IRAG2: variants seen among roughly 807,000 people sequenced by gnomAD.
The protein encoded by IRAG2 is lymphoid restricted membrane protein.
A neutral mutation model predicts 69.9 loss-of-function variants in IRAG2; 45 were observed. The ratio of observed to expected loss-of-function variants is 0.64; its 90% CI spans 0.51 to 0.83. The LOEUF (loss-of-function observed/expected upper bound fraction) is 0.83. Ranked by LOEUF, IRAG2 falls within the 40% of genes least tolerant of loss-of-function variation. The pLI, the probability that IRAG2 is intolerant of heterozygous loss-of-function variation, is 0.00. For synonymous variants in IRAG2, 193 were observed against 202.4 expected (o/e 0.95, Z 0.40); for missense variants, 520 against 587.0 (o/e 0.89, Z 1.18).
intron 10 of IRAG2, among the ~76,000 whole-genome samples, chr12:25,087,459 C>T (rs1429733611): frequency 2.6e-5 from 4 of 152,072 alleles, no homozygotes; most frequent in South Asian, 2.1e-4. Flanking sequence ...TGAGCCACAG[C>T]GCCCTGCCAT....
rs146042911 is a variant in IRAG2 at position 25,083,248 on chromosome 12, C to G, written c.245-175C>G. ...GAAATCTTTTACGGCCTTAGCTGCT[C>G]CATCCTAATTCTGAGTCAATGGGCA... On this transcript the variant is annotated intron_variant, in intron 9 of 21. Coordinates refer to ENST00000556887, the MANE Select transcript of IRAG2 (RefSeq NM_001366544.2). Among the ~76,000 whole-genome samples, 20 of 152,280 alleles carry G rather than the reference C, an allele frequency of 1.3e-4. 1 individual carries two copies. The highest frequency in any genetic ancestry group is 4.6e-4 in the African/African-American group (19 of 41,554).
At chr12:25,073,245 T>C (rs1946447577) in intron 6 of IRAG2, among the ~76,000 whole-genome samples, 1 of 152,256 alleles carries the variant, frequency 6.6e-6, no homozygotes, top group Non-Finnish European at 1.5e-5. Context: ...TATTTTCTTA[T>C]ATTTATTTGT....
intron 1 of IRAG2, among the ~76,000 whole-genome samples, chr12:25,054,210 T>A (rs2139901764): frequency 6.6e-6 from 1 of 152,364 alleles, no homozygotes; most frequent in Non-Finnish European, 1.5e-5. Context: ...AAGGCAGTCT[T>A]TAAATTACAC....
intron 6 of IRAG2, among the ~76,000 whole-genome samples, chr12:25,070,732 G>A (rs1591998411): frequency 6.6e-6 from 1 of 152,252 alleles, no homozygotes; most frequent in East Asian, 1.9e-4. Context: ...TTCGAGGGTG[G>A]CTATATCCTT....
chr12:25,080,968 A>G (rs1486786818), intron 9 of IRAG2, among the ~76,000 whole-genome samples: 3 of 152,212 alleles, frequency 2.0e-5, no homozygotes, highest in Non-Finnish European at 1.5e-5. Context: ...CACTGGGGCT[A>G]CATTCCAAGA....
At chr12:25,100,047 C>G (rs1948668319) in intron 15 of IRAG2, among the ~76,000 whole-genome samples, 1 of 96,548 alleles carries the variant, frequency 1.0e-5, no homozygotes, top group South Asian at 3.4e-4. Flanking sequence ...CTTCAATAGA[C>G]ATTTCTTCAA....
chr12:25,108,290 A>ATTGT lies in IRAG2; in HGVS notation c.*236_*239dup, dbSNP rs900190588. 4 of 557,098 alleles carry ATTGT rather than the reference A, an allele frequency of 7.2e-6. No homozygotes were observed. The highest frequency in any genetic ancestry group is 1.9e-5 in the African/African-American group (1 of 53,154). 34.5% of individuals were successfully genotyped at this position (557,098 alleles called of 1,614,324 possible). ...GCTTTTTAAGGAAGAAATATTATATATTGTTTGTTAAAGTTTATTGAAATA... is the reference window on the plus strand; with the variant it reads ...GCTTTTTAAGGAAGAAATATTATATATTGTTTGTTTGTTAAAGTTTATTGAAATA... On this transcript the variant is annotated 3_prime_UTR_variant, in exon 22 of 22. Transcript: ENST00000556887.
chr12:25,102,275 A>C (rs1317252604), intron 17 of IRAG2, 34 bp downstream of exon 17: 1 of 1,551,944 alleles, frequency 6.4e-7, no homozygotes, highest in African/African-American at 1.4e-5. Flanking sequence ...ATGTCTAGCA[A>C]ATACTATAAG....
chr12:24,998,464 C>T, the IRAG2 span, among the ~76,000 whole-genome samples: 1 of 152,104 alleles, frequency 6.6e-6, no homozygotes, highest in Non-Finnish European at 1.5e-5. Flanking sequence ...ATAGTAGTCA[C>T]AAAGAGAATG....
chr12:25,015,110 A>AGG, intron 3 of IRAG2: 1 of 435,798 alleles, frequency 2.3e-6, no homozygotes, highest in African/African-American at 2.2e-5. Context: ...AAAAAAAAAA[A>AGG]AAGACAAAAC....
At chr12:25,105,170 G>A (rs1948982287) in intron 20 of IRAG2, among the ~76,000 whole-genome samples, 1 of 150,226 alleles carries the variant, frequency 6.7e-6, no homozygotes, top group African/African-American at 2.5e-5. Flanking sequence ...TCCACCTCCT[G>A]GGTTCACGCC....
chr12:25,004,947 C>T, intron 1 of IRAG2: 3 of 1,172,348 alleles, frequency 2.6e-6, no homozygotes, highest in Non-Finnish European at 3.2e-6. Context: ...TTTGTCCTTC[C>T]AATAGAGCAA....
At chr12:25,076,867 TTTTC>T (rs1298887279) in intron 6 of IRAG2, among the ~76,000 whole-genome samples, 3 of 151,718 alleles carry the variant, frequency 2.0e-5, no homozygotes, top group Non-Finnish European at 2.9e-5. Flanking sequence ...CTTTCTTTTG[TTTTC>T]TTTCTTTCTT....
intron 6 of IRAG2, 102 bp downstream of exon 6, chr12:25,069,533 T>C: frequency 9.5e-7 from 1 of 1,054,606 alleles, no homozygotes; most frequent in Non-Finnish European, 1.4e-6. Flanking sequence ...TTTTAAGTAT[T>C]ATGGATATTC....
upstream of IRAG2, among the ~76,000 whole-genome samples, chr12:25,001,912 G>T (rs1417606421): frequency 6.6e-6 from 1 of 151,836 alleles, no homozygotes; most frequent in Non-Finnish European, 1.5e-5. Context: ...TGGGATTACA[G>T]GCATGTACCA....
At position 25,065,015 on chromosome 12, in the gene IRAG2, A is replaced by G. The variant is rs556431437; in HGVS notation, c.-207+1199A>G. On this transcript the variant is annotated intron_variant, in intron 4 of 21. Transcript: ENST00000556887. ...TGAGGCAGGAGAGTCACTTGAACCC[A>G]GGAATTGGAGGTTGCAGTGAGCCGA... is the stretch of plus-strand genomic sequence containing the variant. Among the ~76,000 whole-genome samples, 13 of 151,982 alleles carry G rather than the reference A, an allele frequency of 8.6e-5. No individual in the cohort carries two copies. The South Asian group carries it at 2.7e-3, about 32-fold the overall frequency.
At chr12:25,032,449 G>A (rs911634308) in intron 12 of IRAG2, 1 of 398,370 alleles carries the variant, frequency 2.5e-6, no homozygotes, top group Non-Finnish European at 4.4e-6. Flanking sequence ...CTTTGTATGT[G>A]CCACATTCTT....
intron 12 of IRAG2, among the ~76,000 whole-genome samples, chr12:25,032,839 G>A (rs1460117751): frequency 7.2e-5 from 11 of 152,076 alleles, no homozygotes; most frequent in African/African-American, 2.2e-4. Context: ...AAATACCATC[G>A]CATTGGGGTT....
intron 9 of IRAG2, among the ~76,000 whole-genome samples, chr12:25,027,914 A>G (rs1331597492): frequency 6.6e-6 from 1 of 150,800 alleles, no homozygotes; most frequent in African/African-American, 2.5e-5. Context: ...TGATGTTTCT[A>G]TGTTTGTTTG....
Sources: allele counts gnomAD v4.1 joint callset (sites outside exome capture counted in the v4.1 genomes callset), GRCh38; gene constraint gnomAD v4.1.1; transcripts MANE v1.5; gene names NCBI Gene and HGNC (gene_info 2026-07-23, HGNC 2026-07-21).